Variants in DIS3L2 observed in about 807,000 individuals in gnomAD.
DIS3L2 encodes the protein DIS3-like exonuclease 2.
Under a neutral mutation model 97.5 loss-of-function variants are expected in DIS3L2, and 34 were observed. That is an observed-to-expected ratio of 0.35 (90% CI 0.27 to 0.46). DIS3L2 has a LOEUF of 0.46. Ranked by LOEUF, DIS3L2 falls within the 20% of genes least tolerant of loss-of-function variation. The probability of loss-of-function intolerance (pLI) is 1.00; values close to 1 mark genes in which losing one functional copy is unlikely to be tolerated. For missense variants in DIS3L2, 1,038 were observed against 1,146.0 expected (o/e 0.91, Z 1.36); for synonymous variants, 435 against 445.2 (o/e 0.98, Z 0.29).
intron 7 of DIS3L2, among the ~76,000 whole-genome samples, chr2:232,135,910 ACTT>A (rs901627626): frequency 6.6e-6 from 1 of 152,094 alleles, no homozygotes; most frequent in Non-Finnish European, 1.5e-5. Context: ...CTCAGAGAAT[ACTT>A]CTCTCTTGAT....
chr2:232,098,815 C>T (rs2106321398), intron 6 of DIS3L2, among the ~76,000 whole-genome samples: 1 of 152,210 alleles, frequency 6.6e-6, no homozygotes, highest in Non-Finnish European at 1.5e-5. Context: ...AACATCTTCT[C>T]TCATTTTGTC....
At chr2:232,257,082 G>A (rs781702071) in intron 12 of DIS3L2, among the ~76,000 whole-genome samples, 10 of 152,206 alleles carry the variant, frequency 6.6e-5, no homozygotes, top group Non-Finnish European at 1.2e-4. Flanking sequence ...TGAAGAGAAA[G>A]CGAGCATTCT....
At chr2:232,252,817 C>CTGAT (rs1175762636) in intron 12 of DIS3L2, among the ~76,000 whole-genome samples, 1 of 152,130 alleles carries the variant, frequency 6.6e-6, no homozygotes, top group African/African-American at 2.4e-5. Flanking sequence ...GGGAGGATCA[C>CTGAT]CTAAGCCTGG....
chr2:232,198,149 G>C (rs1402930651), intron 9 of DIS3L2, among the ~76,000 whole-genome samples: 2 of 151,982 alleles, frequency 1.3e-5, no homozygotes, highest in Non-Finnish European at 2.9e-5. Context: ...ATCCGTCTGG[G>C]CCTCAGTTTC....
At chr2:232,092,944 A>G (rs1407304260) in intron 6 of DIS3L2, among the ~76,000 whole-genome samples, 2 of 152,158 alleles carry the variant, frequency 1.3e-5, no homozygotes, top group Non-Finnish European at 2.9e-5. Context: ...AACAGTAGTG[A>G]CAGTGGGTAT....
At position 232,136,712 on chromosome 2, in the gene DIS3L2, G is replaced by C; in HGVS notation, c.943G>C (p.Ala315Pro). ...IVDWKEDCNF[A>P]LGQLAKSLGQ... is the part of the protein sequence containing the mutation. ...GGACTGGAAGGAGGACTGCAATTTT[G>C]CCCTGGGGTAGGTGATCTCTGGTAG... The change falls in exon 8 of 21, where the codon GCC becomes CCC. Residue 315 changes from alanine to proline, a missense_variant. Transcript: ENST00000325385. 4 of 1,613,726 alleles carry C rather than the reference G, an allele frequency of 2.5e-6. No homozygotes were observed. Among genetic ancestry groups the C allele is most frequent in the Non-Finnish European group, 3.4e-6 (4 of 1,179,742 alleles).
At chr2:232,010,111 G>C (rs1694155459) in intron 1 of DIS3L2, among the ~76,000 whole-genome samples, 1 of 152,196 alleles carries the variant, frequency 6.6e-6, no homozygotes, top group African/African-American at 2.4e-5. Flanking sequence ...AGATTCAGTA[G>C]ATTTTCTTGG....
chr2:231,984,111 A>G (rs989790587), intron 1 of DIS3L2, among the ~76,000 whole-genome samples: 1 of 151,846 alleles, frequency 6.6e-6, no homozygotes, highest in African/African-American at 2.4e-5. Flanking sequence ...TAATATTTAT[A>G]TCACCTTTTT....
At chr2:232,277,140 G>A (rs898266888) in intron 13 of DIS3L2, among the ~76,000 whole-genome samples, 1 of 151,782 alleles carries the variant, frequency 6.6e-6, no homozygotes, top group African/African-American at 2.4e-5. Context: ...GAACAGTCTG[G>A]TTTGGCTAGG....
chr2:232,187,889 C>A lies in DIS3L2; in HGVS notation c.1125-22437C>A, dbSNP rs565284784. Among the ~76,000 whole-genome samples the A allele has an allele frequency of 3.1e-4, 47 of 152,122 alleles. 1 individual carries two copies. In the South Asian group the frequency reaches 9.4e-3, roughly 30 times the overall value. ...TTTCTTTATTTTTAAAAAGGCCCAG[C>A]ACTTTGGAAGGCTGAGGCAGGCGGA... On this transcript the variant is annotated intron_variant, in intron 9 of 20. Coordinates refer to ENST00000325385, the MANE Select transcript of DIS3L2 (RefSeq NM_152383.5).
intron 9 of DIS3L2, among the ~76,000 whole-genome samples, chr2:232,169,241 A>T (rs1490553307): frequency 2.0e-5 from 3 of 152,228 alleles, no homozygotes; most frequent in Non-Finnish European, 4.4e-5. Context: ...TATATTGAAT[A>T]AATTAATATA....
chr2:232,030,011 T>A lies in DIS3L2; in HGVS notation c.297T>A (p.Val99=). ...ATCGAGACATTTTTATTGATGGGGTTGTTGCTCGTAATAGAGCCTTAAATG... is the reference window on the plus strand; with the variant it reads ...ATCGAGACATTTTTATTGATGGGGTAGTTGCTCGTAATAGAGCCTTAAATG... ...DGDRDIFIDG[V]VARNRALNGD... is the part of the protein sequence containing the mutation. The change falls in exon 5 of 21, where the codon GTT becomes GTA. Residue 99 remains valine (V), a synonymous_variant. Coordinates refer to ENST00000325385, the MANE Select transcript of DIS3L2 (RefSeq NM_152383.5). 6.2e-7 allele frequency: 1 copy of A among 1,609,284 alleles called. No individual in the cohort carries two copies. Among genetic ancestry groups the A allele is most frequent in the Non-Finnish European group, 8.5e-7 (1 of 1,178,224 alleles).
At chr2:232,074,319 A>C (rs1318788919) in intron 5 of DIS3L2, among the ~76,000 whole-genome samples, 1 of 152,118 alleles carries the variant, frequency 6.6e-6, no homozygotes, top group Non-Finnish European at 1.5e-5. Context: ...ATGCATTTTA[A>C]TTTAGCTGGC....
chr2:232,144,850 T>A (rs1160293432), intron 8 of DIS3L2, among the ~76,000 whole-genome samples: 1 of 152,188 alleles, frequency 6.6e-6, no homozygotes, highest in Non-Finnish European at 1.5e-5. Flanking sequence ...TCAGTTTGTG[T>A]TTGTCTAATG....
intron 3 of DIS3L2, among the ~76,000 whole-genome samples, chr2:232,018,731 TTTTTA>T (rs1240545413): frequency 6.6e-6 from 1 of 152,104 alleles, no homozygotes; most frequent in Non-Finnish European, 1.5e-5. Flanking sequence ...GAGTAGAGTA[TTTTTA>T]TTTTGTTTTC....
chr2:232,286,512 A>G (rs11674951), intron 13 of DIS3L2, among the ~76,000 whole-genome samples: 5,095 of 152,224 alleles, frequency 0.033, 150 homozygotes, highest in African/African-American at 0.077. Context: ...CACATTTGGA[A>G]ATATTGAGTC....
chr2:232,027,046 G>A (rs1236438408), intron 4 of DIS3L2, among the ~76,000 whole-genome samples: 2 of 152,086 alleles, frequency 1.3e-5, no homozygotes, highest in Non-Finnish European at 2.9e-5. Context: ...ATACACTCTG[G>A]TTTTGGACAC....
chr2:232,108,805 C>T (rs1050006242), intron 6 of DIS3L2, among the ~76,000 whole-genome samples: 3 of 152,096 alleles, frequency 2.0e-5, no homozygotes, highest in Non-Finnish European at 4.4e-5. Context: ...CTCCCATTCA[C>T]AATTGCCACA....
chr2:232,322,089 A>G (rs1695453328), intron 14 of DIS3L2, among the ~76,000 whole-genome samples: 1 of 152,150 alleles, frequency 6.6e-6, no homozygotes, highest in Non-Finnish European at 1.5e-5. Flanking sequence ...GTAGCTGACT[A>G]CGGGGGTGCC....
Sources: gnomAD v4.1 joint callset for allele counts (sites outside exome capture counted in the v4.1 genomes callset) on GRCh38, gnomAD v4.1.1 for gene constraint, MANE v1.5 for transcripts, NCBI Gene and HGNC (gene_info 2026-07-23, HGNC 2026-07-21) for gene names.